The following SULF2 variants were observed in gnomAD, a reference collection of about 807,000 sequenced individuals.
SULF2 encodes the protein sulfatase 2.
A neutral mutation model predicts 107.7 loss-of-function variants in SULF2; 52 were observed. That is an observed-to-expected ratio of 0.48 (90% CI 0.39 to 0.61). The LOEUF (loss-of-function observed/expected upper bound fraction) is 0.61, where lower values mean the gene tolerates loss of function less well. Among genes scored for constraint, SULF2 ranks in the 20% least tolerant of loss-of-function variants. The probability of loss-of-function intolerance (pLI) is 0.00; values close to 1 mark genes in which losing one functional copy is unlikely to be tolerated. For synonymous variants in SULF2, 460 were observed against 464.3 expected (o/e 0.99, Z 0.12); for missense variants, 993 against 1,177.3 (o/e 0.84, Z 2.29).
intron 20 of SULF2, among the ~76,000 whole-genome samples, 163 bp downstream of exon 20, chr20:47,659,236 A>G (rs1158115286): frequency 6.6e-6 from 1 of 152,258 alleles, no homozygotes; most frequent in African/African-American, 2.4e-5. Flanking sequence ...AATGGATTCA[A>G]GTGTTTTCTT....
chr20:47,776,329 T>TG (rs1462333855), intron 1 of SULF2, among the ~76,000 whole-genome samples: 1 of 152,244 alleles, frequency 6.6e-6, no homozygotes, highest in African/African-American at 2.4e-5. Flanking sequence ...TGGCCTGTGA[T>TG]GTCCTATTCT....
At chr20:47,745,605 T>C (rs1320069673) in intron 2 of SULF2, among the ~76,000 whole-genome samples, 1 of 151,734 alleles carries the variant, frequency 6.6e-6, no homozygotes, top group Non-Finnish European at 1.5e-5. Context: ...CTCGGTTCAT[T>C]GCAACCTCTG....
intron 3 of SULF2, among the ~76,000 whole-genome samples, chr20:47,726,502 T>G (rs74372499): frequency 0.1 from 15,492 of 152,194 alleles, 816 homozygotes; most frequent in Middle Eastern, 0.18. Context: ...GGCCCAGCCA[T>G]AGGCTCTATT....
At chr20:47,688,794 G>A (rs894904852) in intron 5 of SULF2, among the ~76,000 whole-genome samples, 1 of 152,188 alleles carries the variant, frequency 6.6e-6, no homozygotes, top group African/African-American at 2.4e-5. Context: ...CAGTGCCTTC[G>A]GTACCCTCTC....
intron 3 of SULF2, among the ~76,000 whole-genome samples, chr20:47,731,188 T>TTTTTTTTTTTTTTTTTTTA (rs2089598059): frequency 2.7e-5 from 1 of 36,434 alleles, no homozygotes; most frequent in African/African-American, 1.5e-4. Flanking sequence ...GTATCTTCTC[T>TTTTTTTTTTTTTTTTTTTA]TTTTTTTTTT....
chr20:47,771,150 G>A (rs565758646), intron 1 of SULF2, among the ~76,000 whole-genome samples: 46 of 152,296 alleles, frequency 3.0e-4, no homozygotes, highest in African/African-American at 1.0e-3. Flanking sequence ...AGTGAAACCC[G>A]ATCTGATCCC....
At position 47,663,230 on chromosome 20, in the gene SULF2, G is replaced by C; in HGVS notation, c.2228-18C>G. 6.2e-7 allele frequency: 1 copy of C among 1,613,774 alleles called. No homozygotes were observed. The highest frequency in any genetic ancestry group is 1.7e-4 in the Middle Eastern group (1 of 5,920). On this transcript the variant is annotated intron_variant, in intron 16 of 20. Coordinates refer to ENST00000688720, the MANE Select transcript of SULF2 (RefSeq NM_001387048.1). Reference sequence around the variant, plus strand: ...AGGCCCCACTGCCAAGGAAGAGAGAGCATGTCCTGAGTGCCTGCGGGAGGA... The same window carrying C: ...AGGCCCCACTGCCAAGGAAGAGAGACCATGTCCTGAGTGCCTGCGGGAGGA...
In SULF2 at chr20:47,684,543, T is replaced by C; in HGVS notation, c.776A>G (p.His259Arg). 6.2e-7 allele frequency: 1 copy of C among 1,614,090 alleles called. No individual in the cohort carries two copies. The highest frequency in any genetic ancestry group is 8.5e-7 in the Non-Finnish European group (1 of 1,179,976). ...GGGCCCCGTGTAGCGCATGATCCAG[T>C]GTTTGTCCGGGTTGGGCGCGTAGTT... ...SYNYAPNPDK[H>R]WIMRYTGPMK... is the part of the protein sequence containing the mutation. Residue 259 changes from histidine (H) to arginine (R), a missense_variant, in exon 6 of 21, where the codon CAC becomes CGC. Around this residue, in one of 3 missense-constraint regions of SULF2, gnomAD observed 388 missense variants for 449.2 expected, o/e 0.86. Transcript: ENST00000688720.
chr20:47,715,557 G>A (rs1726310823), intron 3 of SULF2, among the ~76,000 whole-genome samples: 2 of 150,846 alleles, frequency 1.3e-5, no homozygotes, highest in African/African-American at 4.9e-5. Flanking sequence ...GCCTGTGGGA[G>A]ACACAGCTGA....
intron 4 of SULF2, among the ~76,000 whole-genome samples, chr20:47,691,688 T>C (rs76557253): frequency 0.075 from 11,454 of 152,008 alleles, 455 homozygotes; most frequent in African/African-American, 0.1. Context: ...GAGGATAAAA[T>C]GTCAGAGGGT....
chr20:47,715,469 G>C (rs1486516044), intron 3 of SULF2, among the ~76,000 whole-genome samples: 1 of 152,136 alleles, frequency 6.6e-6, no homozygotes. Flanking sequence ...ACAGAGCTTG[G>C]TCAGTGACGA....
intron 1 of SULF2, among the ~76,000 whole-genome samples, chr20:47,763,511 G>A (rs1350306417): frequency 6.6e-6 from 1 of 152,208 alleles, no homozygotes; most frequent in Non-Finnish European, 1.5e-5. Flanking sequence ...CTGAGGTGGT[G>A]GGAGAGGAAG....
intron 1 of SULF2, among the ~76,000 whole-genome samples, chr20:47,771,301 A>C (rs1387502917): frequency 6.6e-6 from 1 of 152,176 alleles, no homozygotes; most frequent in Non-Finnish European, 1.5e-5. Context: ...GGTTCTGAGC[A>C]GGGCAGGAGG....
intron 3 of SULF2, among the ~76,000 whole-genome samples, chr20:47,733,106 A>C (rs968364693): frequency 6.6e-6 from 1 of 152,242 alleles, no homozygotes; most frequent in African/African-American, 2.4e-5. Flanking sequence ...AGGGTTTGTA[A>C]AATTAATTAA....
intron 1 of SULF2, among the ~76,000 whole-genome samples, chr20:47,771,595 G>A (rs1254425496): frequency 6.6e-6 from 1 of 152,174 alleles, no homozygotes; most frequent in Non-Finnish European, 1.5e-5. Context: ...CTTGAGCCCT[G>A]TGCTCAAAGC....
intron 2 of SULF2, among the ~76,000 whole-genome samples, chr20:47,750,018 T>C (rs1158931032): frequency 6.6e-6 from 1 of 152,244 alleles, no homozygotes; most frequent in Non-Finnish European, 1.5e-5. Context: ...AGTCTCGCTC[T>C]GTCGCCAGGC....
intron 6 of SULF2, 95 bp downstream of exon 6, chr20:47,684,336 C>T: frequency 7.3e-7 from 1 of 1,370,456 alleles, no homozygotes; most frequent in South Asian, 1.5e-5. Context: ...ATTTCTATTC[C>T]TCCAGGAAAA....
intron 1 of SULF2, among the ~76,000 whole-genome samples, chr20:47,761,202 G>A (rs2090411442): frequency 6.6e-6 from 1 of 152,202 alleles, no homozygotes; most frequent in Non-Finnish European, 1.5e-5. Flanking sequence ...CCTCCTGCAA[G>A]TACTATTATT....
chr20:47,741,749 C>T (rs1459298772), intron 2 of SULF2, among the ~76,000 whole-genome samples: 3 of 152,196 alleles, frequency 2.0e-5, no homozygotes, highest in Non-Finnish European at 2.9e-5. Flanking sequence ...CTCTCGGTCT[C>T]CAGACCCTGC....
Sources: allele counts gnomAD v4.1 joint callset (sites outside exome capture counted in the v4.1 genomes callset), GRCh38; gene constraint gnomAD v4.1.1; regional missense constraint gnomAD v4.1.1; transcripts MANE v1.5; gene names NCBI Gene and HGNC (gene_info 2026-07-23, HGNC 2026-07-21).